The following TBCD variants were observed in gnomAD, a reference collection of about 807,000 sequenced individuals.
TBCD encodes the protein tubulin folding cofactor D, also known as tubulin-specific chaperone D.
A neutral mutation model predicts 169.3 loss-of-function variants in TBCD; 105 were observed. That is an observed-to-expected ratio of 0.62 (90% CI 0.53 to 0.73). TBCD has a LOEUF of 0.73. TBCD is among the 30% of genes least tolerant of loss of function. The pLI is 0.00. For missense variants in TBCD, 1,444 were observed against 1,600.1 expected, an observed-to-expected ratio of 0.90 and a Z score of 1.66; for synonymous variants, 700 against 643.9, an observed-to-expected ratio of 1.09 and a Z score of -1.32.
At chr17:82,771,766 G>A (rs2048322716) in intron 5 of TBCD, among the ~76,000 whole-genome samples, 1 of 152,072 alleles carries the variant, frequency 6.6e-6, no homozygotes. Flanking sequence ...GGGTGACAGA[G>A]CGAGACCCGG....
In TBCD at chr17:82,941,436, C is replaced by T. The variant is rs376677304; in HGVS notation, c.3517C>T (p.Arg1173Cys). The change falls in exon 38 of 39, where the codon CGT becomes TGT. Residue 1173 changes from arginine (R) to cysteine (C), a missense_variant. Coordinates refer to ENST00000355528, the MANE Select transcript of TBCD (RefSeq NM_005993.5). ...ELAVVREQRNRLCDLLGVPRP... is the reference protein window; with the variant it reads ...ELAVVREQRNCLCDLLGVPRP... ...TGCAGTGGTGAGAGAGCAGCGCAAC[C>T]GTCTGTGTGACCTTCTGGGCGTACC... The T allele has an allele frequency of 3.6e-5, 58 of 1,602,742 alleles. No individual in the cohort carries two copies. Among genetic ancestry groups the T allele is most frequent in the Non-Finnish European group, 4.8e-5 (56 of 1,176,964 alleles).
At chr17:82,899,004 C>T (rs554200511) in intron 17 of TBCD, among the ~76,000 whole-genome samples, 23 of 152,364 alleles carry the variant, frequency 1.5e-4, no homozygotes, top group Middle Eastern at 3.4e-3. Context: ...GCCCTCGACG[C>T]GGAGCAGGGC....
chr17:82,873,728 G>T (rs989096972), intron 14 of TBCD, among the ~76,000 whole-genome samples: 4 of 152,142 alleles, frequency 2.6e-5, no homozygotes, highest in Non-Finnish European at 4.4e-5. Flanking sequence ...GGGTGTGGAG[G>T]GCTGGGGGCC....
chr17:82,859,238 T>G (rs2056565296), intron 13 of TBCD, among the ~76,000 whole-genome samples: 1 of 141,942 alleles, frequency 7.0e-6, no homozygotes, highest in African/African-American at 2.7e-5. Flanking sequence ...GAGAGTCTCG[T>G]GGGTCGTCTG....
chr17:82,781,142 G>T (rs1217608858), intron 6 of TBCD, among the ~76,000 whole-genome samples: 2 of 152,096 alleles, frequency 1.3e-5, no homozygotes, highest in Non-Finnish European at 2.9e-5. Flanking sequence ...TGTGGGGGAG[G>T]GAGGTCCCAG....
intron 17 of TBCD, among the ~76,000 whole-genome samples, chr17:82,899,142 G>A (rs948666867): frequency 6.8e-5 from 7 of 103,438 alleles, no homozygotes; most frequent in African/African-American, 1.7e-4. Flanking sequence ...TGTGTCCTCC[G>A]CTAGTGTCCT....
At chr17:82,793,154 T>C (rs1425351307) in intron 7 of TBCD, among the ~76,000 whole-genome samples, 1 of 152,244 alleles carries the variant, frequency 6.6e-6, no homozygotes, top group Admixed American at 6.5e-5. Context: ...ATTTTTTCAC[T>C]CTGGGGCTCT....
At chr17:82,844,549 G>T (rs77752775) in intron 13 of TBCD, among the ~76,000 whole-genome samples, 4,130 of 152,120 alleles carry the variant, frequency 0.027, 209 homozygotes, top group African/African-American at 0.093. Context: ...AGTCTGAGTT[G>T]CCTCCCTCCA....
chr17:82,926,719 A>G (rs1259495689), intron 28 of TBCD: 1 of 580,920 alleles, frequency 1.7e-6, no homozygotes, highest in Non-Finnish European at 3.0e-6. Context: ...CCCTTGGAGA[A>G]TTGGAGAATG....
chr17:82,928,462 C>T (rs918684112), intron 30 of TBCD, among the ~76,000 whole-genome samples: 3 of 151,832 alleles, frequency 2.0e-5, no homozygotes, highest in Non-Finnish European at 2.9e-5. Context: ...ACCCCCAGGC[C>T]CTGCCCTTTC....
intron 1 of TBCD, among the ~76,000 whole-genome samples, chr17:82,755,751 G>A (rs923886367): frequency 4.6e-5 from 7 of 152,198 alleles, no homozygotes; most frequent in Non-Finnish European, 7.3e-5. Flanking sequence ...TAGTTTACAG[G>A]CATGTTTGGC....
intron 12 of TBCD, among the ~76,000 whole-genome samples, chr17:82,813,401 G>A (rs530950557): frequency 1.3e-5 from 2 of 152,158 alleles, no homozygotes; most frequent in East Asian, 1.9e-4. Flanking sequence ...CTGAGGGCGG[G>A]AACTCGCCCC....
intron 13 of TBCD, among the ~76,000 whole-genome samples, chr17:82,834,926 C>G (rs11654361): frequency 6.6e-6 from 1 of 151,792 alleles, no homozygotes; most frequent in East Asian, 1.9e-4. Flanking sequence ...GGCTGGGGGC[C>G]GTGGCTCATG....
chr17:82,903,196 T>A lies in TBCD; in HGVS notation c.1731-209T>A, dbSNP rs1025736507. ...AGCTGTGTCCCAAGAAGAACCGTGG[T>A]TAGCCGTGTGACCTCGCTGTTGTAG... On this transcript the variant is annotated intron_variant, in intron 18 of 38. Transcript: ENST00000355528. This position sits in a 1 kb window ranked among gnomAD's most constrained non-coding sequence, Gnocchi z 4.8. Among the ~76,000 whole-genome samples the A allele has an allele frequency of 6.6e-6, 1 of 152,130 alleles. No homozygotes were observed. The highest frequency in any genetic ancestry group is 2.4e-5 in the African/African-American group (1 of 41,430).
At chr17:82,779,616 C>T (rs975105624) in intron 6 of TBCD, among the ~76,000 whole-genome samples, 3 of 152,166 alleles carry the variant, frequency 2.0e-5, no homozygotes, top group African/African-American at 7.2e-5. Context: ...TAGGATGGCA[C>T]GTGCGTGGCT....
chr17:82,889,084 C>T lies in TBCD; in HGVS notation c.1534-584C>T, dbSNP rs1182027762. Among the ~76,000 whole-genome samples, 2 of 152,198 alleles carry T rather than the reference C, an allele frequency of 1.3e-5. No homozygotes were observed. Among genetic ancestry groups the T allele is most frequent in the Admixed American group, 6.5e-5 (1 of 15,292 alleles). On this transcript the variant is annotated intron_variant, in intron 15 of 38. Transcript: ENST00000355528. This position sits in a 1 kb window ranked among gnomAD's most constrained non-coding sequence, Gnocchi z 5.3. ...GCCCAGGTAACCTGCTCTGCCTGGTCGGTGCGCCTAAGGGGGGCAGGGTGT... is the reference window on the plus strand; with the variant it reads ...GCCCAGGTAACCTGCTCTGCCTGGTTGGTGCGCCTAAGGGGGGCAGGGTGT...
At chr17:82,788,646 C>T (rs2049480755) in intron 7 of TBCD, among the ~76,000 whole-genome samples, 1 of 152,200 alleles carries the variant, frequency 6.6e-6, no homozygotes, top group Admixed American at 6.5e-5. Context: ...CCGCTCGGCC[C>T]TTGTGAAGAG....
Position 82,903,247 on chromosome 17 carries a change from G to A in TBCD, c.1731-158G>A, listed in dbSNP as rs763627165. ...ACTGTCCTTGTCGTCTGTTGGAGTCGGAGGTTCTTGTACTGGTTCGTGTGA... is the reference window on the plus strand; with the variant it reads ...ACTGTCCTTGTCGTCTGTTGGAGTCAGAGGTTCTTGTACTGGTTCGTGTGA... On this transcript the variant is annotated intron_variant, in intron 18 of 38. Coordinates refer to ENST00000355528, the MANE Select transcript of TBCD (RefSeq NM_005993.5). This position sits in a 1 kb window ranked among gnomAD's most constrained non-coding sequence, Gnocchi z 4.8. Among the ~76,000 whole-genome samples, 5 of 152,204 alleles carry A rather than the reference G, an allele frequency of 3.3e-5. No individual in the cohort carries two copies. The highest frequency in any genetic ancestry group is 4.8e-5 in the African/African-American group (2 of 41,458).
chr17:82,825,270 A>G (rs2052741526), intron 13 of TBCD, among the ~76,000 whole-genome samples: 1 of 152,002 alleles, frequency 6.6e-6, no homozygotes, highest in Non-Finnish European at 1.5e-5. Flanking sequence ...GGCCCTTGAC[A>G]ACGGAGGGCT....
Sources: allele counts gnomAD v4.1 joint callset (sites outside exome capture counted in the v4.1 genomes callset), GRCh38; gene constraint gnomAD v4.1.1; non-coding constraint Gnocchi (gnomAD v3.1); transcripts MANE v1.5; gene names NCBI Gene and HGNC (gene_info 2026-07-23, HGNC 2026-07-21).